CCDC178: variants seen among roughly 807,000 people sequenced by gnomAD.
CCDC178 encodes the protein coiled-coil domain containing 178.
In CCDC178, 126 loss-of-function variants were observed where a neutral mutation model predicts 117.4. The ratio of observed to expected loss-of-function variants is 1.07; its 90% confidence interval spans 0.93 to 1.24. The LOEUF (loss-of-function observed/expected upper bound fraction) is 1.24, where lower values mean the gene tolerates loss of function less well. Ranked by LOEUF, CCDC178 falls within the 50% of genes most tolerant of loss-of-function variation. The pLI is 0.00. For synonymous variants in CCDC178, 283 were observed against 313.4 expected, an observed-to-expected ratio of 0.90 and a Z score of 1.02; for missense variants, 1,030 against 986.9, an observed-to-expected ratio of 1.04 and a Z score of -0.59.
chr18:33,187,217 T>C (rs1270745461), intron 20 of CCDC178, among the ~76,000 whole-genome samples: 1 of 151,898 alleles, frequency 6.6e-6, no homozygotes, highest in African/African-American at 2.4e-5. Context: ...CCATGATCCA[T>C]CATCTCCCAT....
intron 21 of CCDC178, among the ~76,000 whole-genome samples, chr18:33,078,972 A>G (rs2057254900): frequency 6.6e-6 from 1 of 152,202 alleles, no homozygotes; most frequent in Non-Finnish European, 1.5e-5. Context: ...TAGCCAAGGC[A>G]ATCCCATGCA....
At chr18:33,333,055 C>T in intron 10 of CCDC178, 119 bp downstream of exon 10, 1 of 551,916 alleles carries the variant, frequency 1.8e-6, no homozygotes, top group Non-Finnish European at 3.1e-6. Context: ...AGATAAAGAG[C>T]AGGTCAATTT....
At chr18:32,992,651 T>A (rs1168625086) in intron 21 of CCDC178, among the ~76,000 whole-genome samples, 2 of 152,128 alleles carry the variant, frequency 1.3e-5, no homozygotes, top group Non-Finnish European at 2.9e-5. Flanking sequence ...AGAAATAGAT[T>A]TTAAGCATGA....
chr18:33,367,976 T>C (rs1175674975), intron 6 of CCDC178, among the ~76,000 whole-genome samples: 1 of 152,004 alleles, frequency 6.6e-6, no homozygotes, highest in Non-Finnish European at 1.5e-5. Flanking sequence ...TGTACTTTTC[T>C]ATCATTGTTA....
At chr18:33,367,008 C>G (rs1052519331) in intron 6 of CCDC178, among the ~76,000 whole-genome samples, 1 of 152,040 alleles carries the variant, frequency 6.6e-6, no homozygotes, top group African/African-American at 2.4e-5. Flanking sequence ...TTCTGCATTT[C>G]CCTCAGACAT....
intron 20 of CCDC178, among the ~76,000 whole-genome samples, chr18:33,185,605 A>G (rs2058782024): frequency 6.6e-6 from 1 of 152,096 alleles, no homozygotes; most frequent in South Asian, 2.1e-4. Context: ...CAAAAGTAGA[A>G]GGTTATTACA....
chr18:33,319,949 A>G (rs1246002744), intron 11 of CCDC178, among the ~76,000 whole-genome samples: 5 of 152,216 alleles, frequency 3.3e-5, no homozygotes, highest in African/African-American at 7.2e-5. Context: ...ACACAAATCA[A>G]TAAACGTAAT....
chr18:32,978,493 A>T (rs1404241859), intron 21 of CCDC178, among the ~76,000 whole-genome samples: 1 of 151,894 alleles, frequency 6.6e-6, no homozygotes, highest in Non-Finnish European at 1.5e-5. Context: ...CCATTTTAAG[A>T]TGTCAGCAGT....
chr18:33,349,086 A>T, intron 7 of CCDC178, 111 bp from the exon 8 acceptor site: 1 of 621,148 alleles, frequency 1.6e-6, no homozygotes. Context: ...AACTTACTAT[A>T]CAAGATAATC....
At chr18:33,177,280 T>A (rs1347313956) in intron 20 of CCDC178, among the ~76,000 whole-genome samples, 1 of 152,100 alleles carries the variant, frequency 6.6e-6, no homozygotes, top group African/African-American at 2.4e-5. Flanking sequence ...GGTTGATACG[T>A]GCAGCAAACC....
intron 22 of CCDC178, among the ~76,000 whole-genome samples, chr18:32,962,022 C>T (rs2054714873): frequency 6.7e-6 from 1 of 148,672 alleles, no homozygotes; most frequent in Non-Finnish European, 1.5e-5. Flanking sequence ...GTTAATCAAA[C>T]ACTTTTTAGA....
At chr18:33,326,184 G>A (rs1157455201) in intron 10 of CCDC178, among the ~76,000 whole-genome samples, 4 of 152,192 alleles carry the variant, frequency 2.6e-5, no homozygotes, top group African/African-American at 9.7e-5. Flanking sequence ...GCTTATGGGT[G>A]GCAACCAGTG....
chr18:33,034,909 G>A (rs981604398), intron 21 of CCDC178, among the ~76,000 whole-genome samples: 4 of 151,746 alleles, frequency 2.6e-5, no homozygotes, highest in Non-Finnish European at 5.9e-5. Flanking sequence ...TTAAAATAAT[G>A]CCAATATAAT....
At chr18:32,991,957 G>T (rs183758320) in intron 21 of CCDC178, among the ~76,000 whole-genome samples, 12 of 152,146 alleles carry the variant, frequency 7.9e-5, no homozygotes, top group Admixed American at 6.6e-4. Context: ...TTGTGTTTGT[G>T]GTATAAAGTA....
At chr18:33,212,407 C>T (rs1208323831) in intron 19 of CCDC178, among the ~76,000 whole-genome samples, 1 of 151,848 alleles carries the variant, frequency 6.6e-6, no homozygotes, top group Non-Finnish European at 1.5e-5. Context: ...TAAGATAGCT[C>T]GAGGAAATGA....
At chr18:33,069,454 T>C (rs2057073153) in intron 21 of CCDC178, among the ~76,000 whole-genome samples, 1 of 152,122 alleles carries the variant, frequency 6.6e-6, no homozygotes, top group African/African-American at 2.4e-5. Context: ...TAAATAGTGC[T>C]GGGAAACTAG....
At chr18:33,293,399 G>T in intron 11 of CCDC178, 87 bp from the exon 12 acceptor site, 1 of 785,926 alleles carries the variant, frequency 1.3e-6, no homozygotes, top group Non-Finnish European at 1.9e-6. Context: ...GGTGGCTCAT[G>T]CCTGTAATCT....
chr18:33,326,560 T>C (rs1282821004), intron 10 of CCDC178, among the ~76,000 whole-genome samples: 1 of 152,202 alleles, frequency 6.6e-6, no homozygotes, highest in African/African-American at 2.4e-5. Context: ...TCTAGAGACA[T>C]GTGGGACCTT....
chr18:33,339,917 T>G (rs2062793814), intron 9 of CCDC178, among the ~76,000 whole-genome samples: 1 of 152,016 alleles, frequency 6.6e-6, no homozygotes, highest in Non-Finnish European at 1.5e-5. Context: ...GAAAATGAAC[T>G]AATACAGTAA....
Sources: gnomAD v4.1 joint callset for allele counts (sites outside exome capture counted in the v4.1 genomes callset) on GRCh38, gnomAD v4.1.1 for gene constraint, MANE v1.5 for transcripts, NCBI Gene and HGNC (gene_info 2026-07-23, HGNC 2026-07-21) for gene names.